ERBB4: variants seen among roughly 807,000 people sequenced by gnomAD.
ERBB4 encodes the protein receptor tyrosine-protein kinase erbB-4.
ERBB4 carries 42 observed loss-of-function variants against 158.0 expected under a neutral mutation model. The observed-to-expected ratio is 0.27, with a 90% CI of 0.21 to 0.34. The LOEUF (loss-of-function observed/expected upper bound fraction) is 0.34. Ranked by LOEUF, ERBB4 falls within the 10% of genes least tolerant of loss-of-function variation. The pLI is 1.00. For synonymous variants in ERBB4, 583 were observed against 558.7 expected (o/e 1.04, Z -0.61); for missense variants, 1,333 against 1,624.1 (o/e 0.82, Z 3.08).
intron 1 of ERBB4, among the ~76,000 whole-genome samples, chr2:212,276,990 C>T (rs561222988): frequency 1.1e-4 from 16 of 151,806 alleles, no homozygotes; most frequent in Non-Finnish European, 1.8e-4. Flanking sequence ...AGCCTGAGTG[C>T]TTGCCATGGT....
At chr2:211,802,979 G>T (rs1038674957) in intron 3 of ERBB4, among the ~76,000 whole-genome samples, 1 of 152,154 alleles carries the variant, frequency 6.6e-6, no homozygotes, top group Non-Finnish European at 1.5e-5. Context: ...AGGATAATAA[G>T]ATGCGATCCA....
In ERBB4 at chr2:211,920,288, A is replaced by G. The variant is rs142423001; in HGVS notation, c.421+27142T>C. Reference sequence around the variant, plus strand: ...CTAAATTCTTACCTTGTACTACAGGATTTCGCCTTTAATAAACATGCAAGT... The same window carrying G: ...CTAAATTCTTACCTTGTACTACAGGGTTTCGCCTTTAATAAACATGCAAGT... On this transcript the variant is annotated intron_variant, in intron 3 of 27. Coordinates refer to ENST00000342788, the MANE Select transcript of ERBB4 (RefSeq NM_005235.3). Among the ~76,000 whole-genome samples the G allele has an allele frequency of 2.7e-3, 417 of 152,096 alleles. 2 individuals are homozygous for G. Among genetic ancestry groups the G allele is most frequent in the Middle Eastern group, 6.8e-3 (2 of 294 alleles).
At chr2:212,189,081 T>TGGG (rs1559694291) in intron 1 of ERBB4, among the ~76,000 whole-genome samples, 7 of 121,000 alleles carry the variant, frequency 5.8e-5, no homozygotes, top group Non-Finnish European at 7.0e-5. Context: ...AACTTTTTTT[T>TGGG]TGGGGGGGGG....
intron 1 of ERBB4, among the ~76,000 whole-genome samples, chr2:212,189,542 T>G (rs2082126892): frequency 6.6e-6 from 1 of 152,186 alleles, no homozygotes; most frequent in Non-Finnish European, 1.5e-5. Context: ...CTTTCAAGGC[T>G]CTTTCTTGAG....
intron 3 of ERBB4, among the ~76,000 whole-genome samples, chr2:211,862,915 A>G (rs1430277991): frequency 2.0e-5 from 3 of 152,156 alleles, no homozygotes; most frequent in Non-Finnish European, 2.9e-5. Flanking sequence ...CTCTGTGTCT[A>G]ACTAAAGGAT....
At chr2:212,239,194 T>C (rs1038086133) in intron 1 of ERBB4, among the ~76,000 whole-genome samples, 3 of 152,196 alleles carry the variant, frequency 2.0e-5, no homozygotes. Context: ...TACAGGTGCA[T>C]GCCATCATGC....
At chr2:211,820,043 G>A (rs2076960510) in intron 3 of ERBB4, among the ~76,000 whole-genome samples, 1 of 151,894 alleles carries the variant, frequency 6.6e-6, no homozygotes, top group Non-Finnish European at 1.5e-5. Context: ...TAAGGTGCTT[G>A]TGGGAAATGT....
At chr2:211,452,612 C>T (rs560477668) in intron 20 of ERBB4, among the ~76,000 whole-genome samples, 2 of 152,224 alleles carry the variant, frequency 1.3e-5, no homozygotes, top group South Asian at 4.1e-4. Context: ...ATTAAAATAG[C>T]TCTGTTACCA....
chr2:211,656,493 A>G (rs1398532146), intron 16 of ERBB4, among the ~76,000 whole-genome samples: 1 of 152,226 alleles, frequency 6.6e-6, no homozygotes, highest in Non-Finnish European at 1.5e-5. Context: ...AGTCAGGTTG[A>G]TTGAAGTATA....
intron 1 of ERBB4, among the ~76,000 whole-genome samples, chr2:212,225,881 T>G (rs2083451834): frequency 6.6e-6 from 1 of 152,006 alleles, no homozygotes; most frequent in Non-Finnish European, 1.5e-5. Flanking sequence ...TCCCCTCCCC[T>G]TGAGTGGGTA....
intron 1 of ERBB4, among the ~76,000 whole-genome samples, chr2:212,175,686 G>A (rs1010024958): frequency 2.0e-5 from 3 of 150,430 alleles, no homozygotes; most frequent in Non-Finnish European, 3.0e-5. Context: ...AAGCTTCCAA[G>A]ATTTATTCTT....
At chr2:212,228,792 T>C (rs1238828725) in intron 1 of ERBB4, among the ~76,000 whole-genome samples, 4 of 152,244 alleles carry the variant, frequency 2.6e-5, no homozygotes, top group African/African-American at 9.6e-5. Context: ...CAGATGATGA[T>C]ATATGCAATG....
chr2:212,473,672 C>A (rs1170521975), intron 1 of ERBB4, among the ~76,000 whole-genome samples: 3 of 151,958 alleles, frequency 2.0e-5, no homozygotes, highest in African/African-American at 4.8e-5. Context: ...AAATAATTAT[C>A]CATTTTTTAT....
intron 1 of ERBB4, among the ~76,000 whole-genome samples, chr2:212,397,795 G>A (rs887664861): frequency 3.9e-5 from 6 of 151,906 alleles, no homozygotes; most frequent in African/African-American, 1.2e-4. Context: ...CTTAGTTCCT[G>A]GAAAGGTTGT....
intron 1 of ERBB4, among the ~76,000 whole-genome samples, chr2:212,346,456 C>T (rs2089004729): frequency 6.9e-6 from 1 of 145,918 alleles, no homozygotes; most frequent in African/African-American, 2.8e-5. Context: ...TCAATTCACA[C>T]TAAACTTTGC....
chr2:211,865,317 A>G (rs998755675), intron 3 of ERBB4, among the ~76,000 whole-genome samples: 11 of 151,948 alleles, frequency 7.2e-5, no homozygotes, highest in Admixed American at 2.6e-4. Context: ...GAAAACGCAT[A>G]CCATATTTGG....
chr2:211,933,502 C>T (rs994848241), intron 3 of ERBB4, among the ~76,000 whole-genome samples: 1 of 151,984 alleles, frequency 6.6e-6, no homozygotes, highest in African/African-American at 2.4e-5. Flanking sequence ...GATTACAATT[C>T]GGTTACACAT....
intron 1 of ERBB4, among the ~76,000 whole-genome samples, chr2:212,325,020 A>C (rs115527429): frequency 0.69 from 102,230 of 148,582 alleles, 36,822 homozygotes; most frequent in Non-Finnish European, 0.75. Flanking sequence ...AAGCAACCCA[A>C]AAAAAAACTC....
intron 2 of ERBB4, among the ~76,000 whole-genome samples, chr2:212,082,007 G>A (rs192285809): frequency 2.8e-4 from 42 of 152,006 alleles, no homozygotes; most frequent in African/African-American, 5.3e-4. Context: ...AAGTTTCCAC[G>A]GAACAATTAT....
Sources: allele counts gnomAD v4.1 joint callset (sites outside exome capture counted in the v4.1 genomes callset), GRCh38; gene constraint gnomAD v4.1.1; transcripts MANE v1.5; gene names NCBI Gene and HGNC (gene_info 2026-07-23, HGNC 2026-07-21).